The following FIGN variants were observed in gnomAD, a reference collection of about 807,000 sequenced individuals.
FIGN encodes the protein fidgetin, microtubule severing factor.
In FIGN, 11 loss-of-function variants were observed where a neutral mutation model predicts 51.3. The ratio of observed to expected loss-of-function variants is 0.21; its 90% CI spans 0.13 to 0.35. FIGN has a LOEUF of 0.35. Among genes scored for constraint, FIGN ranks in the 10% least tolerant of loss-of-function variants. The pLI is 1.00. For missense variants in FIGN, 857 were observed against 943.6 expected, an observed-to-expected ratio of 0.91 and a Z score of 1.20; for synonymous variants, 407 against 363.2, an observed-to-expected ratio of 1.12 and a Z score of -1.37.
intron 2 of FIGN, among the ~76,000 whole-genome samples, chr2:163,681,265 G>A (rs552104020): frequency 2.5e-4 from 38 of 152,008 alleles, no homozygotes; most frequent in Non-Finnish European, 4.4e-4. Context: ...GATTTGAAAC[G>A]CTTCATTAAA....
chr2:163,660,888 T>A (rs1462850425), intron 2 of FIGN, among the ~76,000 whole-genome samples: 2,579 of 20,356 alleles, frequency 0.13, 1,159 homozygotes, highest in Non-Finnish European at 0.27. Context: ...TATTTTTTTT[T>A]TTTTTTTTTT....
Position 163,605,348 on chromosome 2 carries a change from CA to C in FIGN, c.*4203del, listed in dbSNP as rs1691084356. On this transcript the variant is annotated 3_prime_UTR_variant, in exon 3 of 3. Coordinates refer to ENST00000333129, the MANE Select transcript of FIGN (RefSeq NM_018086.4). ...TTCATGTGTTGGTTAGTCACAAGTA[CA>C]GCTGGTTGTGAATTCTGAAATACTA... 1 of 152,010 alleles carries C rather than the reference CA, an allele frequency of 6.6e-6. No individual in the cohort carries two copies. The highest frequency in any genetic ancestry group is 2.4e-5 in the African/African-American group (1 of 41,398). The allele number at this position is 152,010 out of a possible 1,614,324, so 9.4% of individuals were successfully genotyped here.
At position 163,697,095 on chromosome 2, in the gene FIGN, C is replaced by A. The variant is rs956705302; in HGVS notation, c.25+37808G>T. 4.0e-5 allele frequency among the ~76,000 whole-genome samples: 5 copies of A among 125,148 alleles called. No individual in the cohort carries two copies. The Admixed American group carries it at 4.1e-4, about 10-fold the overall frequency. The allele number at this position is 125,148 out of a possible 152,430, so 82.1% of individuals were successfully genotyped here. ...ATTGTGTCATAATTTTTTTTCTTTT[C>A]TTTTCTTTCTTTTTTTTTTTTTTTT... On this transcript the variant is annotated intron_variant, in intron 2 of 2. Coordinates refer to ENST00000333129, the MANE Select transcript of FIGN (RefSeq NM_018086.4).
rs1211172039 is a variant in FIGN at position 163,609,500 on chromosome 2, T to C, written c.*52A>G. The C allele has an allele frequency of 1.5e-5, 23 of 1,508,284 alleles. No homozygotes were observed. The highest frequency in any genetic ancestry group is 1.9e-5 in the Non-Finnish European group (21 of 1,112,352). The allele number at this position is 1,508,284 out of a possible 1,614,324, so 93.4% of individuals were successfully genotyped here. On this transcript the variant is annotated 3_prime_UTR_variant, in exon 3 of 3. Transcript: ENST00000333129. The stretch of plus-strand genomic sequence containing the variant: ...GGGGCTCTATTCCCTATGTAGCAGG[T>C]TTTATGTGTGTGTGCCAACATTCAT...
At position 163,608,618 on chromosome 2, in the gene FIGN, G is replaced by A. The variant is rs1053081822; in HGVS notation, c.*934C>T. On this transcript the variant is annotated 3_prime_UTR_variant, in exon 3 of 3. Coordinates refer to ENST00000333129, the MANE Select transcript of FIGN (RefSeq NM_018086.4). Reference sequence around the variant, plus strand: ...AACATTTTCACTTAATTATCAAGGAGCAATGTACTAAGAACTCTTGCAGTT... The same window carrying A: ...AACATTTTCACTTAATTATCAAGGAACAATGTACTAAGAACTCTTGCAGTT... 1 of 152,180 alleles carries A rather than the reference G, an allele frequency of 6.6e-6. No individual in the cohort carries two copies. Among genetic ancestry groups the A allele is most frequent in the South Asian group, 2.1e-4 (1 of 4,834 alleles). 9.4% of individuals were successfully genotyped at this position (152,180 alleles called of 1,614,324 possible).
chr2:163,678,149 C>A (rs1684004077), intron 2 of FIGN, among the ~76,000 whole-genome samples: 1 of 152,132 alleles, frequency 6.6e-6, no homozygotes, highest in Admixed American at 6.5e-5. Flanking sequence ...TAGTTGTTAC[C>A]CAGTATTCCT....
intron 2 of FIGN, among the ~76,000 whole-genome samples, chr2:163,651,770 T>C (rs1300376316): frequency 6.6e-6 from 1 of 152,204 alleles, no homozygotes. Context: ...TAAAAGACTT[T>C]TGAAAGCAAG....
intron 2 of FIGN, among the ~76,000 whole-genome samples, chr2:163,642,268 G>C (rs1330329378): frequency 6.6e-6 from 1 of 152,178 alleles, no homozygotes; most frequent in Non-Finnish European, 1.5e-5. Flanking sequence ...TAGCACCCTA[G>C]TGATTCAACG....
At chr2:163,677,930 G>A (rs1228724908) in intron 2 of FIGN, among the ~76,000 whole-genome samples, 1 of 152,166 alleles carries the variant, frequency 6.6e-6, no homozygotes, top group Non-Finnish European at 1.5e-5. Context: ...ATGGGGTTGT[G>A]TGGAAGAGGA....
intron 2 of FIGN, among the ~76,000 whole-genome samples, chr2:163,731,347 A>C (rs558958413): frequency 6.6e-6 from 1 of 152,178 alleles, no homozygotes; most frequent in Admixed American, 6.5e-5. Flanking sequence ...TTAGAAATGC[A>C]AAGTAATAAT....
At chr2:163,640,686 G>T (rs968495380) in intron 2 of FIGN, among the ~76,000 whole-genome samples, 2 of 152,038 alleles carry the variant, frequency 1.3e-5, no homozygotes, top group Non-Finnish European at 2.9e-5. Context: ...CAACTGTGTT[G>T]ATCCTAATGC....
chr2:163,617,617 T>C (rs913922833), intron 2 of FIGN, among the ~76,000 whole-genome samples: 3 of 152,148 alleles, frequency 2.0e-5, no homozygotes, highest in Non-Finnish European at 2.9e-5. Flanking sequence ...TGATAGATTG[T>C]TGGGATAGAA....
At chr2:163,628,064 T>C (rs1683083791) in intron 2 of FIGN, among the ~76,000 whole-genome samples, 1 of 152,234 alleles carries the variant, frequency 6.6e-6, no homozygotes, top group Non-Finnish European at 1.5e-5. Context: ...ATCAGTTGGC[T>C]ACACAGTTTA....
chr2:163,613,146 G>A (rs1682798173), intron 2 of FIGN, among the ~76,000 whole-genome samples: 1 of 152,070 alleles, frequency 6.6e-6, no homozygotes, highest in Non-Finnish European at 1.5e-5. Flanking sequence ...CTCACATACA[G>A]TTAGTTACAG....
intron 2 of FIGN, among the ~76,000 whole-genome samples, chr2:163,701,991 G>T (rs185893401): frequency 4.0e-4 from 61 of 152,218 alleles, no homozygotes; most frequent in African/African-American, 1.5e-3. Context: ...TACCATCAGT[G>T]CTGGGAAAGT....
intron 2 of FIGN, among the ~76,000 whole-genome samples, chr2:163,638,167 C>T (rs1683254330): frequency 6.6e-6 from 1 of 152,008 alleles, no homozygotes; most frequent in Non-Finnish European, 1.5e-5. Flanking sequence ...GAAACGGAAT[C>T]CTGCCGTGGT....
In FIGN at chr2:163,671,602, G is replaced by T. The variant is rs187026293; in HGVS notation, c.26-59796C>A. Among the ~76,000 whole-genome samples, 5 of 151,574 alleles carry T rather than the reference G, an allele frequency of 3.3e-5. 1 individual carries two copies. The highest frequency in any genetic ancestry group is 3.3e-4 in the Admixed American group (5 of 15,274). On this transcript the variant is annotated intron_variant, in intron 2 of 2. Coordinates refer to ENST00000333129, the MANE Select transcript of FIGN (RefSeq NM_018086.4). The stretch of plus-strand genomic sequence containing the variant: ...GATAACTCACAAAATTACCCATGTA[G>T]TTTAAAAAATTGATTACCCATAAAC...
At chr2:163,729,828 T>G (rs1233984262) in intron 2 of FIGN, among the ~76,000 whole-genome samples, 1 of 152,212 alleles carries the variant, frequency 6.6e-6, no homozygotes, top group Non-Finnish European at 1.5e-5. Flanking sequence ...CTCCTTTGGA[T>G]TTACTGCTTC....
At chr2:163,650,405 A>T (rs1378626743) in intron 2 of FIGN, among the ~76,000 whole-genome samples, 1 of 151,920 alleles carries the variant, frequency 6.6e-6, no homozygotes, top group Non-Finnish European at 1.5e-5. Flanking sequence ...GATTTTTTAA[A>T]ATTATACTTT....
Sources: gnomAD v4.1 joint callset for allele counts (sites outside exome capture counted in the v4.1 genomes callset) on GRCh38, gnomAD v4.1.1 for gene constraint, MANE v1.5 for transcripts, NCBI Gene and HGNC (gene_info 2026-07-23, HGNC 2026-07-21) for gene names.